LDAH: variants seen among roughly 807,000 people sequenced by gnomAD.
LDAH encodes lipid droplet-associated hydrolase.
LDAH carries 26 observed loss-of-function variants against 29.6 expected under a neutral mutation model. The observed-to-expected ratio is 0.88, with a 90% CI of 0.64 to 1.22. The LOEUF (loss-of-function observed/expected upper bound fraction) is 1.22. Among genes scored for constraint, LDAH ranks in the 50% most tolerant of loss-of-function variants. The pLI, the probability that LDAH is intolerant of heterozygous loss-of-function variation, is 0.00. For synonymous variants in LDAH, 117 were observed against 133.0 expected (o/e 0.88, Z 0.83); for missense variants, 344 against 387.3 (o/e 0.89, Z 0.94).
At chr2:20,813,731 A>G (rs1672659382) in intron 1 of LDAH, among the ~76,000 whole-genome samples, 1 of 152,210 alleles carries the variant, frequency 6.6e-6, no homozygotes, top group Admixed American at 6.5e-5. Flanking sequence ...TATCATCACT[A>G]AGTGATACCA....
chr2:20,734,896 T>C (rs182460195), intron 5 of LDAH, among the ~76,000 whole-genome samples: 53 of 152,342 alleles, frequency 3.5e-4, no homozygotes, highest in Middle Eastern at 3.4e-3. Context: ...AAGACACTTT[T>C]GCTAGATACA....
chr2:20,741,429 G>A (rs1341762343), intron 4 of LDAH, among the ~76,000 whole-genome samples: 3 of 152,034 alleles, frequency 2.0e-5, no homozygotes, highest in Admixed American at 6.6e-5. Context: ...ATTTTGAGTT[G>A]GTTTTTGTGG....
At chr2:20,689,801 C>G (rs1214346309) in intron 6 of LDAH, among the ~76,000 whole-genome samples, 1 of 152,164 alleles carries the variant, frequency 6.6e-6, no homozygotes, top group African/African-American at 2.4e-5. Flanking sequence ...TCATACCTGT[C>G]AGGTCTGTTC....
At chr2:20,770,946 T>G (rs763211819) in intron 4 of LDAH, among the ~76,000 whole-genome samples, 7 of 152,204 alleles carry the variant, frequency 4.6e-5, no homozygotes, top group Non-Finnish European at 7.3e-5. Flanking sequence ...AGTTCTAAGA[T>G]TCTATGAATC....
intron 5 of LDAH, among the ~76,000 whole-genome samples, chr2:20,730,215 G>T (rs958180241): frequency 6.6e-6 from 1 of 152,076 alleles, no homozygotes; most frequent in Non-Finnish European, 1.5e-5. Context: ...TTTACCCATT[G>T]AAAATACCTC....
At chr2:20,738,446 G>C (rs57453813) in intron 5 of LDAH, among the ~76,000 whole-genome samples, 235 of 152,030 alleles carry the variant, frequency 1.5e-3, no homozygotes, top group African/African-American at 5.5e-3. Flanking sequence ...CTATGGAGGA[G>C]CTGTTCTTTC....
At chr2:20,729,435 A>G (rs996868285) in intron 5 of LDAH, among the ~76,000 whole-genome samples, 1 of 152,210 alleles carries the variant, frequency 6.6e-6, no homozygotes, top group Admixed American at 6.5e-5. Flanking sequence ...AATGTATAAA[A>G]TTTATATCCC....
chr2:20,806,354 G>C (rs939302357), intron 1 of LDAH, among the ~76,000 whole-genome samples: 3 of 152,140 alleles, frequency 2.0e-5, no homozygotes, highest in Admixed American at 2.0e-4. Flanking sequence ...CGATGACACA[G>C]AGCAGAGCAT....
At chr2:20,737,597 T>C (rs1666878049) in intron 5 of LDAH, among the ~76,000 whole-genome samples, 1 of 152,116 alleles carries the variant, frequency 6.6e-6, no homozygotes, top group Non-Finnish European at 1.5e-5. Context: ...AGTCAACAAC[T>C]GAAAACCAAC....
At chr2:20,820,681 A>G (rs1310078093) in intron 1 of LDAH, among the ~76,000 whole-genome samples, 1 of 142,846 alleles carries the variant, frequency 7.0e-6, no homozygotes, top group African/African-American at 2.6e-5. Context: ...AACCTAGGCA[A>G]TACCATTCAG....
intron 5 of LDAH, among the ~76,000 whole-genome samples, chr2:20,724,361 G>A (rs1351093912): frequency 3.9e-5 from 6 of 152,126 alleles, no homozygotes; most frequent in Non-Finnish European, 7.3e-5. Flanking sequence ...CCCACTGTAA[G>A]TAACTTAAGG....
At chr2:20,812,627 G>A (rs961737846) in intron 1 of LDAH, among the ~76,000 whole-genome samples, 3 of 151,918 alleles carry the variant, frequency 2.0e-5, no homozygotes, top group African/African-American at 7.3e-5. Flanking sequence ...TATATTTTGG[G>A]AGCAATATCC....
At chr2:20,778,102 A>T (rs1274079681) in intron 3 of LDAH, among the ~76,000 whole-genome samples, 1 of 152,172 alleles carries the variant, frequency 6.6e-6, no homozygotes, top group Non-Finnish European at 1.5e-5. Context: ...AGAAAGAGAG[A>T]TCAGACTGTT....
chr2:20,799,162 G>C (rs1319164355), intron 2 of LDAH, among the ~76,000 whole-genome samples: 2 of 151,150 alleles, frequency 1.3e-5, no homozygotes, highest in Admixed American at 1.3e-4. Flanking sequence ...AGGAGGTGGA[G>C]GGTTGCAGTG....
chr2:20,772,829 C>T (rs1669524250), intron 4 of LDAH, among the ~76,000 whole-genome samples: 1 of 152,204 alleles, frequency 6.6e-6, no homozygotes. Flanking sequence ...TGTCCAACAA[C>T]TCTCAAGGAA....
chr2:20,768,644 G>A (rs1347536134), intron 4 of LDAH, among the ~76,000 whole-genome samples: 3 of 152,144 alleles, frequency 2.0e-5, no homozygotes, highest in East Asian at 3.9e-4. Flanking sequence ...CAGTGGGCCC[G>A]AGCAAAACTC....
rs1028596851 is a variant in LDAH, at chr2:20,791,700, T to C, written c.155-1302A>G. Among the ~76,000 whole-genome samples, 67 of 152,284 alleles carry C rather than the reference T, an allele frequency of 4.4e-4. 1 individual carries two copies. The highest frequency in any genetic ancestry group is 3.4e-3 in the Middle Eastern group (1 of 294). ...GCATACCAGCACAGGGGCTATAACA[T>C]CTATGGAAGCTGTGGGTGGCACTGT... On this transcript the variant is annotated intron_variant, in intron 2 of 6. Coordinates refer to ENST00000237822, the MANE Select transcript of LDAH (RefSeq NM_021925.4).
At chr2:20,768,281 C>A (rs1669175628) in intron 4 of LDAH, among the ~76,000 whole-genome samples, 1 of 152,170 alleles carries the variant, frequency 6.6e-6, no homozygotes, top group Admixed American at 6.5e-5. Context: ...GGAGCCCAGA[C>A]CTGGGAGCTC....
chr2:20,695,777 G>A lies in LDAH; in HGVS notation c.786+5793C>T, dbSNP rs567450117. On this transcript the variant is annotated intron_variant, in intron 6 of 6. Coordinates refer to ENST00000237822, the MANE Select transcript of LDAH (RefSeq NM_021925.4). ...TACTCTTATAAGGTCTGAATTACAA[G>A]GTATGAATTATAGCATATTTTTGGA... Among the ~76,000 whole-genome samples the A allele has an allele frequency of 3.3e-5, 5 of 152,212 alleles. No homozygotes were observed. The South Asian group carries it at 1.0e-3, about 32-fold the overall frequency.
Sources: allele counts gnomAD v4.1 joint callset (sites outside exome capture counted in the v4.1 genomes callset), GRCh38; gene constraint gnomAD v4.1.1; transcripts MANE v1.5; gene names NCBI Gene and HGNC (gene_info 2026-07-23, HGNC 2026-07-21).